Variants in SLC25A16 observed in about 807,000 individuals in gnomAD.
SLC25A16 encodes the protein mitochondrial coenzyme A transporter SLC25A16.
A neutral mutation model predicts 41.5 loss-of-function variants in SLC25A16; 39 were observed. The ratio of observed to expected loss-of-function variants is 0.94; its 90% confidence interval spans 0.73 to 1.23. The LOEUF is 1.23. Among genes scored for constraint, SLC25A16 ranks in the 50% most tolerant of loss-of-function variants. The probability of loss-of-function intolerance (pLI) is 0.00; values close to 1 mark genes in which losing one functional copy is unlikely to be tolerated. For missense variants in SLC25A16, 421 were observed against 426.9 expected, an observed-to-expected ratio of 0.99 and a Z score of 0.12; for synonymous variants, 146 against 147.8, an observed-to-expected ratio of 0.99 and a Z score of 0.09.
intron 1 of SLC25A16, among the ~76,000 whole-genome samples, chr10:68,526,299 G>T (rs1346408049): frequency 6.6e-6 from 1 of 152,108 alleles, no homozygotes; most frequent in Admixed American, 6.6e-5. Flanking sequence ...GTAAAGCATT[G>T]AGATGTTTAT....
intron 1 of SLC25A16, among the ~76,000 whole-genome samples, chr10:68,524,540 AAAAT>A (rs1242948427): frequency 1.3e-5 from 2 of 149,284 alleles, no homozygotes; most frequent in Non-Finnish European, 3.0e-5. Flanking sequence ...CACCGTCTCA[AAAAT>A]AAATAAATAA....
intron 6 of SLC25A16, among the ~76,000 whole-genome samples, chr10:68,491,418 T>C (rs563823946): frequency 6.6e-6 from 1 of 152,052 alleles, no homozygotes; most frequent in Non-Finnish European, 1.5e-5. Context: ...AGAGACGGTG[T>C]TTCTCCATGT....
At chr10:68,491,383 G>A (rs958889952) in intron 6 of SLC25A16, among the ~76,000 whole-genome samples, 2 of 151,864 alleles carry the variant, frequency 1.3e-5, no homozygotes, top group South Asian at 2.1e-4. Context: ...GTGCGACCAC[G>A]CCCAGCTAAT....
intron 4 of SLC25A16, among the ~76,000 whole-genome samples, chr10:68,498,066 T>G (rs1275166859): frequency 1.3e-5 from 2 of 152,076 alleles, no homozygotes; most frequent in Non-Finnish European, 2.9e-5. Flanking sequence ...AAATCACAGA[T>G]CTCTGATACC....
intron 8 of SLC25A16, among the ~76,000 whole-genome samples, chr10:68,486,604 C>T (rs763495289): frequency 3.4e-4 from 51 of 151,508 alleles, no homozygotes; most frequent in Non-Finnish European, 6.0e-4. Context: ...AAACTCCTGA[C>T]CTCAGGTGAT....
At chr10:68,523,382 T>C (rs963660948) in intron 1 of SLC25A16, among the ~76,000 whole-genome samples, 1 of 152,138 alleles carries the variant, frequency 6.6e-6, no homozygotes, top group African/African-American at 2.4e-5. Context: ...CCTGAACCAG[T>C]GCACCCGGCC....
chr10:68,527,336 C>A lies in SLC25A16; in HGVS notation c.40G>T (p.Asp14Tyr). 1 of 1,531,624 alleles carries A rather than the reference C, an allele frequency of 6.5e-7. No individual in the cohort carries two copies. The highest frequency in any genetic ancestry group is 8.8e-7 in the Non-Finnish European group (1 of 1,140,608). 94.9% of individuals were successfully genotyped at this position (1,531,624 alleles called of 1,614,324 possible). The change falls in exon 1 of 9, where the codon GAT (aspartate) becomes TAT (tyrosine). Residue 14 changes from aspartate (D) to tyrosine (Y), a missense_variant. Asp to Tyr is a radical substitution (Grantham distance 160). Coordinates refer to ENST00000609923, the MANE Select transcript of SLC25A16 (RefSeq NM_152707.4). Reference sequence around the variant, plus strand: ...GCCTGCGGCATTGCGGGAGGGGGATCGGCCGCCGCCAGGGCTGCCGCGGCC... The same window carrying A: ...GCCTGCGGCATTGCGGGAGGGGGATAGGCCGCCGCCAGGGCTGCCGCGGCC... ...ATAAAALAAA[D>Y]PPPAMPQAAG...
chr10:68,483,113 C>A lies in SLC25A16; in HGVS notation c.*319G>T. 5.5e-6 allele frequency: 1 copy of A among 180,416 alleles called. No individual in the cohort carries two copies. Among genetic ancestry groups the A allele is most frequent in the Non-Finnish European group, 1.2e-5 (1 of 86,948 alleles). 11.2% of individuals were successfully genotyped at this position (180,416 alleles called of 1,614,324 possible). A position where few individuals can be genotyped will look rare whatever the true frequency, so the allele number is the denominator to read the frequency against. ...CATGATAACAATTAAAAACTTTGAA[C>A]AGCATGACAAAGCTAATGGCAACCT... On this transcript the variant is annotated 3_prime_UTR_variant, in exon 9 of 9. Coordinates refer to ENST00000609923, the MANE Select transcript of SLC25A16 (RefSeq NM_152707.4).
Position 68,503,710 on chromosome 10 carries a change from C to T in SLC25A16, c.358-15G>A, listed in dbSNP as rs758861062. On this transcript the variant is annotated splice_polypyrimidine_tract_variant and intron_variant, in intron 3 of 8. Transcript: ENST00000609923. ...GTAGTAATTAACTAGAAAACAAGAACACTGAATTAAATGAGATATTTTTTA... is the reference window on the plus strand; with the variant it reads ...GTAGTAATTAACTAGAAAACAAGAATACTGAATTAAATGAGATATTTTTTA... 1.3e-6 allele frequency: 2 copies of T among 1,534,056 alleles called. No individual in the cohort carries two copies.
chr10:68,496,842 GCT>G (rs2052757275), intron 4 of SLC25A16: 1 of 260,432 alleles, frequency 3.8e-6, no homozygotes, highest in Non-Finnish European at 6.0e-6. Flanking sequence ...ATGGGGTCTC[GCT>G]CTGTCACCCA....
At chr10:68,494,644 AGGT>A (rs947276708) in intron 4 of SLC25A16, among the ~76,000 whole-genome samples, 7 of 149,740 alleles carry the variant, frequency 4.7e-5, no homozygotes, top group Admixed American at 1.4e-4. Context: ...TGGGAGGCTG[AGGT>A]GGACAGATCA....
chr10:68,483,925 A>T (rs180826471), intron 8 of SLC25A16, among the ~76,000 whole-genome samples: 12 of 152,264 alleles, frequency 7.9e-5, no homozygotes, highest in Admixed American at 2.6e-4. Flanking sequence ...TGGCCTCCCA[A>T]AGTGCTGGGA....
At chr10:68,509,911 T>C (rs897642009) in intron 2 of SLC25A16, among the ~76,000 whole-genome samples, 1 of 151,698 alleles carries the variant, frequency 6.6e-6, no homozygotes, top group Non-Finnish European at 1.5e-5. Flanking sequence ...ACCTCGTCTC[T>C]ACTAAAAATA....
chr10:68,485,355 G>C (rs1033821928), intron 8 of SLC25A16, among the ~76,000 whole-genome samples: 1 of 152,174 alleles, frequency 6.6e-6, no homozygotes, highest in East Asian at 1.9e-4. Context: ...CTCCCAAAGT[G>C]CTGGGATTAC....
intron 4 of SLC25A16, among the ~76,000 whole-genome samples, chr10:68,501,921 G>C (rs147322249): frequency 6.6e-6 from 1 of 152,122 alleles, no homozygotes; most frequent in African/African-American, 2.4e-5. Context: ...GACTAGGGCC[G>C]GGCACGGTGG....
intron 8 of SLC25A16, among the ~76,000 whole-genome samples, chr10:68,485,352 A>C (rs1002749100): frequency 6.6e-6 from 1 of 151,910 alleles, no homozygotes; most frequent in Non-Finnish European, 1.5e-5. Flanking sequence ...AGCCTCCCAA[A>C]GTGCTGGGAT....
intron 4 of SLC25A16, among the ~76,000 whole-genome samples, chr10:68,497,563 C>G (rs2052769744): frequency 6.6e-6 from 1 of 150,976 alleles, no homozygotes; most frequent in Non-Finnish European, 1.5e-5. Flanking sequence ...CATTATAACA[C>G]AAAAGAATAA....
intron 1 of SLC25A16, among the ~76,000 whole-genome samples, chr10:68,523,097 T>G (rs1355170207): frequency 6.6e-6 from 1 of 152,210 alleles, no homozygotes; most frequent in African/African-American, 2.4e-5. Context: ...ATAGCTCTTT[T>G]TATTCCCCCT....
intron 3 of SLC25A16, among the ~76,000 whole-genome samples, chr10:68,504,307 G>A (rs116265553): frequency 0.02 from 3,051 of 151,790 alleles, 91 homozygotes; most frequent in African/African-American, 0.069. Context: ...TGAAGCCACC[G>A]CACCCAGCCT....
Sources: gnomAD v4.1 joint callset for allele counts (sites outside exome capture counted in the v4.1 genomes callset) on GRCh38, gnomAD v4.1.1 for gene constraint, MANE v1.5 for transcripts, NCBI Gene and HGNC (gene_info 2026-07-23, HGNC 2026-07-21) for gene names.